Variants in KMT2C observed in about 807,000 individuals in gnomAD.
KMT2C encodes the protein lysine methyltransferase 2C, also known as histone-lysine N-methyltransferase 2C.
KMT2C carries 88 observed loss-of-function variants against 507.9 expected under a neutral mutation model. The observed-to-expected ratio is 0.17, with a 90% CI of 0.15 to 0.21. KMT2C has a LOEUF of 0.21. KMT2C is among the 10% of genes least tolerant of loss of function. KMT2C has a pLI of 1.00. For synonymous variants in KMT2C, 2,049 were observed against 2,080.8 expected, an observed-to-expected ratio of 0.98 and a Z score of 0.42; for missense variants, 4,954 against 5,957.8, an observed-to-expected ratio of 0.83 and a Z score of 5.55.
At position 152,136,587 on chromosome 7, in the gene KMT2C, G is replaced by A; in HGVS notation, c.*245C>T. ...AAAAAGAAAAGGAAAAGAAAAAAAA[G>A]CAAAAGTGCTGGACCATTCTGTGAT... On this transcript the variant is annotated 3_prime_UTR_variant, in exon 59 of 59. Coordinates refer to ENST00000262189, the MANE Select transcript of KMT2C (RefSeq NM_170606.3). The A allele has an allele frequency of 2.3e-5, 9 of 392,498 alleles. No homozygotes were observed. In the South Asian group the frequency reaches 2.9e-4, roughly 13 times the overall value. 24.3% of individuals were successfully genotyped at this position (392,498 alleles called of 1,614,324 possible).
At chr7:152,431,750 C>G (rs555871543) in intron 1 of KMT2C, among the ~76,000 whole-genome samples, 3 of 151,406 alleles carry the variant, frequency 2.0e-5, no homozygotes, top group Non-Finnish European at 4.4e-5. Flanking sequence ...CTATTGAGTC[C>G]CAGAGACCAA....
Position 152,253,940 on chromosome 7 carries a change from T to C in KMT2C, c.1300-1225A>G, listed in dbSNP as rs111534987. 9.7e-3 allele frequency among the ~76,000 whole-genome samples: 1,469 copies of C among 152,214 alleles called. 28 individuals carry two copies. The highest frequency in any genetic ancestry group is 0.033 in the African/African-American group (1,383 of 41,526). On this transcript the variant is annotated intron_variant, in intron 9 of 58. Coordinates refer to ENST00000262189, the MANE Select transcript of KMT2C (RefSeq NM_170606.3). ...TATCCCTGGGTGTAAGGTTAATACA[T>C]TGTGGGGCTCTCATTACCCACCCCA...
intron 1 of KMT2C, among the ~76,000 whole-genome samples, chr7:152,373,774 G>A (rs367606832): frequency 1.0e-3 from 158 of 152,090 alleles, no homozygotes; most frequent in African/African-American, 3.2e-3. Flanking sequence ...GTAATAGAAA[G>A]AGATATCAAC....
chr7:152,363,511 G>A (rs2097212827), intron 1 of KMT2C, among the ~76,000 whole-genome samples: 1 of 152,124 alleles, frequency 6.6e-6, no homozygotes, highest in Non-Finnish European at 1.5e-5. Flanking sequence ...TAGGAAACCA[G>A]ACAAATATAA....
Position 152,154,161 on chromosome 7 carries a change from A to G in KMT2C, c.12140-15T>C, listed in dbSNP as rs370539466. ...TGATTCTGAACCTTTAAAAAGAGAG[A>G]AAAAAAAGAGGAAAATAGTGTTAAT... On this transcript the variant is annotated splice_polypyrimidine_tract_variant and intron_variant, in intron 47 of 58. Coordinates refer to ENST00000262189, the MANE Select transcript of KMT2C (RefSeq NM_170606.3). 141 of 1,611,192 alleles carry G rather than the reference A, an allele frequency of 8.8e-5. No individual in the cohort carries two copies. The African/African-American group carries it at 1.5e-3, about 17-fold the overall frequency.
chr7:152,232,391 C>CTTT (rs1353358070), intron 16 of KMT2C, among the ~76,000 whole-genome samples: 2 of 152,042 alleles, frequency 1.3e-5, no homozygotes, highest in African/African-American at 4.8e-5. Context: ...TATCAAAAGA[C>CTTT]GTTGTTGAGT....
In KMT2C at chr7:152,207,296, A is replaced by T. The variant is rs374091087; in HGVS notation, c.3841+4T>A. On this transcript the variant is annotated splice_donor_region_variant and intron_variant, in intron 24 of 58. Transcript: ENST00000262189. ...TATTGAAATGTCTACCTCAGGCACT[A>T]TACCTGGTCTGTATGGTTTCCTTTT... 2 of 1,557,538 alleles carry T rather than the reference A, an allele frequency of 1.3e-6. No individual in the cohort carries two copies. The highest frequency in any genetic ancestry group is 2.8e-5 in the African/African-American group (2 of 71,856).
intron 43 of KMT2C, among the ~76,000 whole-genome samples, chr7:152,161,269 G>A (rs908797563): frequency 1.3e-5 from 2 of 152,132 alleles, no homozygotes; most frequent in African/African-American, 2.4e-5. Context: ...CTTGCAAAAA[G>A]ATGAGCTTCA....
rs746359585 is a variant in KMT2C at position 152,330,640 on chromosome 7, G to C, written c.350C>G (p.Ala117Gly). Residue 117 changes from alanine to glycine, a missense_variant, in exon 3 of 59, where the codon GCA becomes GGA. Transcript: ENST00000262189. The stretch of plus-strand genomic sequence containing the variant: ...TACACCAACAGAGACCAGGGAGTTT[G>C]CCGATTCCTCAGACACAGATCGCTG... ...TLQRSVSEES[A>G]NSLVSVGVEA... The C allele has an allele frequency of 1.2e-6, 2 of 1,614,144 alleles. No homozygotes were observed. The highest frequency in any genetic ancestry group is 1.7e-6 in the Non-Finnish European group (2 of 1,180,008).
intron 1 of KMT2C, among the ~76,000 whole-genome samples, chr7:152,428,489 G>A (rs2116775463): frequency 6.7e-6 from 1 of 149,282 alleles, no homozygotes; most frequent in Middle Eastern, 3.6e-3. Context: ...AAACTAGCCG[G>A]GCATGGTGGT....
intron 26 of KMT2C, among the ~76,000 whole-genome samples, chr7:152,200,263 A>G (rs947462970): frequency 3.9e-5 from 6 of 152,256 alleles, no homozygotes; most frequent in East Asian, 1.9e-4. Context: ...TGTAATGTCA[A>G]GAAGTAAAAA....
At chr7:152,183,392 C>T (rs984561523) in intron 34 of KMT2C, among the ~76,000 whole-genome samples, 13 of 152,042 alleles carry the variant, frequency 8.6e-5, no homozygotes, top group African/African-American at 2.9e-4. Flanking sequence ...GCTTAAAGAT[C>T]CTAGGTGTGA....
chr7:152,140,753 C>T (rs977466632), intron 55 of KMT2C, among the ~76,000 whole-genome samples: 3 of 152,072 alleles, frequency 2.0e-5, no homozygotes, highest in Non-Finnish European at 2.9e-5. Context: ...GAAGCACATC[C>T]GGGAGCACAT....
At chr7:152,146,111 C>G (rs1041352149) in intron 53 of KMT2C, among the ~76,000 whole-genome samples, 1 of 150,916 alleles carries the variant, frequency 6.6e-6, no homozygotes, top group East Asian at 2.0e-4. Context: ...CACTGACAAA[C>G]AGGCTTGTAA....
intron 1 of KMT2C, among the ~76,000 whole-genome samples, chr7:152,373,779 A>G (rs1193631560): frequency 6.6e-6 from 1 of 152,220 alleles, no homozygotes; most frequent in Non-Finnish European, 1.5e-5. Context: ...AGAAAGAGAT[A>G]TCAACAACAA....
At chr7:152,369,542 T>C (rs780200559) in intron 1 of KMT2C, among the ~76,000 whole-genome samples, 20 of 152,190 alleles carry the variant, frequency 1.3e-4, no homozygotes, top group African/African-American at 4.8e-4. Flanking sequence ...GTCTGCAATG[T>C]AGCAGTGTTG....
intron 44 of KMT2C, among the ~76,000 whole-genome samples, 175 bp downstream of exon 44, chr7:152,158,688 G>T (rs915243616): frequency 3.9e-5 from 6 of 151,948 alleles, no homozygotes; most frequent in Non-Finnish European, 8.8e-5. Flanking sequence ...GTAAATGTTT[G>T]TATTTTTCGT....
intron 1 of KMT2C, among the ~76,000 whole-genome samples, chr7:152,418,720 G>A (rs2097761030): frequency 6.6e-6 from 1 of 152,062 alleles, no homozygotes; most frequent in South Asian, 2.1e-4. Context: ...GTGAGCGACA[G>A]CACTCAGCCC....
intron 2 of KMT2C, among the ~76,000 whole-genome samples, chr7:152,338,226 G>A (rs947152852): frequency 2.0e-5 from 3 of 152,148 alleles, no homozygotes; most frequent in African/African-American, 7.2e-5. Flanking sequence ...GAGAATTAAT[G>A]AGAATAAAGA....
Sources: gnomAD v4.1 joint callset for allele counts (sites outside exome capture counted in the v4.1 genomes callset) on GRCh38, gnomAD v4.1.1 for gene constraint, MANE v1.5 for transcripts, NCBI Gene and HGNC (gene_info 2026-07-23, HGNC 2026-07-21) for gene names.